Variants in EXOSC9 observed in about 807,000 individuals in gnomAD.
EXOSC9 encodes the protein exosome complex component RRP45.
EXOSC9 carries 38 observed loss-of-function variants against 56.5 expected under a neutral mutation model. The observed-to-expected ratio is 0.67, with a 90% CI of 0.52 to 0.88. The LOEUF (loss-of-function observed/expected upper bound fraction) is 0.88. Ranked by LOEUF, EXOSC9 falls within the 40% of genes least tolerant of loss-of-function variation. EXOSC9 has a pLI of 0.00. For missense variants in EXOSC9, 559 were observed against 530.5 expected (o/e 1.05, Z -0.53); for synonymous variants, 170 against 170.8 (o/e 0.99, Z 0.04).
intron 2 of EXOSC9, 43 bp from the exon 3 acceptor site, chr4:121,802,626 TGGAAG>T: frequency 6.3e-7 from 1 of 1,585,698 alleles, no homozygotes. Flanking sequence ...TTTTTTGTTT[TGGAAG>T]GAGAGTCTAT....
intron 8 of EXOSC9, among the ~76,000 whole-genome samples, chr4:121,812,347 C>T (rs1727236510): frequency 6.6e-6 from 1 of 152,148 alleles, no homozygotes; most frequent in African/African-American, 2.4e-5. Flanking sequence ...TGAACGAGGG[C>T]AACCATATAA....
chr4:121,804,836 A>G lies in EXOSC9; in HGVS notation c.522+77A>G, dbSNP rs1726974098. On this transcript the variant is annotated intron_variant, in intron 5 of 11. Transcript: ENST00000243498. ...TTAAATGTGCAGGCAACTTGTTTTT[A>G]GTGAAGTTATGTTGTAGATGGCAAT... is the stretch of plus-strand genomic sequence containing the variant. 13 of 1,299,500 alleles carry G rather than the reference A, an allele frequency of 1.0e-5. No homozygotes were observed. The South Asian group carries it at 2.0e-4, about 20-fold the overall frequency. 80.5% of individuals were successfully genotyped at this position (1,299,500 alleles called of 1,614,324 possible). A position where few individuals can be genotyped will look rare whatever the true frequency, so the allele number is the denominator to read the frequency against.
At chr4:121,815,720 G>C in intron 10 of EXOSC9, 1 of 987,148 alleles carries the variant, frequency 1.0e-6, no homozygotes, top group Non-Finnish European at 1.2e-6. Flanking sequence ...TATGGGAAAT[G>C]GGTTCTTTTA....
chr4:121,804,413 G>A, intron 4 of EXOSC9: 1 of 406,852 alleles, frequency 2.5e-6, no homozygotes, highest in Non-Finnish European at 4.4e-6. Flanking sequence ...TTTATTTAAA[G>A]TATGTGTTCT....
At chr4:121,813,662 T>C (rs963303919) in intron 9 of EXOSC9, 1 of 531,738 alleles carries the variant, frequency 1.9e-6, no homozygotes, top group African/African-American at 1.9e-5. Flanking sequence ...ACATTTCTTA[T>C]TAATTGCATC....
At chr4:121,814,113 T>C (rs1290148071) in intron 10 of EXOSC9, 66 bp downstream of exon 10, 20 of 950,626 alleles carry the variant, frequency 2.1e-5, no homozygotes, top group Non-Finnish European at 2.7e-5. Flanking sequence ...TATAGTTATA[T>C]ATATAATGCA....
intron 8 of EXOSC9, among the ~76,000 whole-genome samples, chr4:121,812,004 T>A (rs975829667): frequency 5.3e-5 from 8 of 151,986 alleles, no homozygotes; most frequent in Non-Finnish European, 1.0e-4. Flanking sequence ...AACACAAGCA[T>A]TATTGATGCA....
At position 121,814,003 on chromosome 4, in the gene EXOSC9, T is replaced by C; in HGVS notation, c.1112T>C (p.Ile371Thr). 6.2e-7 allele frequency: 1 copy of C among 1,613,778 alleles called. No individual in the cohort carries two copies. Among genetic ancestry groups the C allele is most frequent in the Non-Finnish European group, 8.5e-7 (1 of 1,179,808 alleles). ...GATCAAGCTATCATTCTTGATGGTA[T>C]AAAAATGGACACTGGAGTAGAAGTC... ...GGDQAIILDG[I>T]KMDTGVEVSD... The change falls in exon 10 of 12, where the codon ATA becomes ACA. Residue 371 changes from isoleucine to threonine, a missense_variant. Transcript: ENST00000243498.
chr4:121,814,296 A>G (rs1256241368), intron 10 of EXOSC9: 1 of 230,406 alleles, frequency 4.3e-6, no homozygotes, highest in Non-Finnish European at 8.4e-6. Context: ...AAATATTGTG[A>G]TTTAAATTTC....
At chr4:121,813,491 C>A in intron 9 of EXOSC9, 111 bp downstream of exon 9, 1 of 914,108 alleles carries the variant, frequency 1.1e-6, no homozygotes, top group Non-Finnish European at 1.7e-6. Flanking sequence ...AAACACTGTA[C>A]TTTGTTAGAG....
chr4:121,816,562 T>C (rs1724520444), intron 11 of EXOSC9, 115 bp downstream of exon 11: 2 of 825,646 alleles, frequency 2.4e-6, no homozygotes, highest in Non-Finnish European at 3.7e-6. Flanking sequence ...GACATCCCTT[T>C]TTCATTAGAG....
Position 121,817,018 on chromosome 4 carries a change from A to G in EXOSC9, c.*162A>G, listed in dbSNP as rs895475006. The G allele has an allele frequency of 1.4e-6, 1 of 706,740 alleles. No individual in the cohort carries two copies. The highest frequency in any genetic ancestry group is 2.2e-6 in the Non-Finnish European group (1 of 455,962). The allele number at this position is 706,740 out of a possible 1,614,324, so 43.8% of individuals were successfully genotyped here. ...TGCTTTAAAATAATAAACCTTCTGG[A>G]GCATTTCTCGTCTGTTAATTTGCAT... On this transcript the variant is annotated 3_prime_UTR_variant, in exon 12 of 12. Coordinates refer to ENST00000243498, the MANE Select transcript of EXOSC9 (RefSeq NM_005033.3).
chr4:121,811,412 A>AT (rs1727209546), intron 7 of EXOSC9, among the ~76,000 whole-genome samples, 171 bp from the exon 8 acceptor site: 1 of 152,248 alleles, frequency 6.6e-6, no homozygotes, highest in African/African-American at 2.4e-5. Context: ...AGTCCTTCAC[A>AT]TATCTTAAAA....
chr4:121,816,179 G>C (rs773319898), intron 10 of EXOSC9, 190 bp from the exon 11 acceptor site: 7 of 650,574 alleles, frequency 1.1e-5, no homozygotes, highest in African/African-American at 9.4e-5. Flanking sequence ...GACTGGACTC[G>C]AGTTCCTGAC....
chr4:121,808,941 C>T (rs1198544660), intron 6 of EXOSC9, among the ~76,000 whole-genome samples: 5 of 151,764 alleles, frequency 3.3e-5, no homozygotes. Context: ...TCCCAAAGTG[C>T]TAGGATTATA....
intron 6 of EXOSC9, 141 bp from the exon 7 acceptor site, chr4:121,809,826 C>A: frequency 1.2e-6 from 1 of 831,398 alleles, no homozygotes; most frequent in Non-Finnish European, 2.0e-6. Context: ...TCTCTTTCCC[C>A]ATTTCAGTGA....
chr4:121,811,203 A>G (rs949324016), intron 7 of EXOSC9, among the ~76,000 whole-genome samples: 1 of 151,942 alleles, frequency 6.6e-6, no homozygotes, highest in African/African-American at 2.4e-5. Flanking sequence ...TGTCTAGCAC[A>G]CATTTATTAA....
intron 6 of EXOSC9, 182 bp downstream of exon 6, chr4:121,807,804 A>T: frequency 4.6e-5 from 27 of 584,910 alleles, no homozygotes; most frequent in South Asian, 9.0e-5. Flanking sequence ...AAGTAACAAA[A>T]CTCTTATACT....
chr4:121,804,520 A>T (rs957785342), intron 4 of EXOSC9, 102 bp from the exon 5 acceptor site: 4 of 754,370 alleles, frequency 5.3e-6, no homozygotes, highest in Non-Finnish European at 8.3e-6. Context: ...TGCGTGTTTT[A>T]ACAGCAAGAA....
Sources: allele counts gnomAD v4.1 joint callset (sites outside exome capture counted in the v4.1 genomes callset), GRCh38; gene constraint gnomAD v4.1.1; transcripts MANE v1.5; gene names NCBI Gene and HGNC (gene_info 2026-07-23, HGNC 2026-07-21).